Variants in AGFG2 observed in about 807,000 individuals in gnomAD.
AGFG2 encodes the protein arf-GAP domain and FG repeat-containing protein 2.
Under a neutral mutation model 48.0 loss-of-function variants are expected in AGFG2, and 31 were observed. The ratio of observed to expected loss-of-function variants is 0.65; its 90% confidence interval spans 0.49 to 0.87. AGFG2 has a LOEUF of 0.87. Ranked by LOEUF, AGFG2 falls within the 40% of genes least tolerant of loss-of-function variation. The pLI, the probability that AGFG2 is intolerant of heterozygous loss-of-function variation, is 0.00. For synonymous variants in AGFG2, 229 were observed against 260.8 expected (o/e 0.88, Z 1.18); for missense variants, 599 against 632.6 (o/e 0.95, Z 0.57).
At position 100,554,094 on chromosome 7, in the gene AGFG2, C is replaced by G. The variant is rs746581473; in HGVS notation, c.587C>G (p.Pro196Arg). 2 of 1,612,396 alleles carry G rather than the reference C, an allele frequency of 1.2e-6. No homozygotes were observed. Among genetic ancestry groups the G allele is most frequent in the African/African-American group, 2.7e-5 (2 of 74,882 alleles). Residue 196 changes from proline (P) to arginine (R), a missense_variant and splice_region_variant, in exon 5 of 12, where the codon CCC becomes CGC. Pro to Arg is a moderately radical substitution (Grantham distance 103, BLOSUM62 -2). Coordinates refer to ENST00000300176, the MANE Select transcript of AGFG2 (RefSeq NM_006076.5). ...LSVAASTSSQ[P>R]VSQSHARTSQ... Reference sequence around the variant, plus strand: ...TGTATGCATTCCTTCTCCTCCAAGCCCGTCAGTCAGTCTCACGCTCGGACA... The same window carrying G: ...TGTATGCATTCCTTCTCCTCCAAGCGCGTCAGTCAGTCTCACGCTCGGACA...
intron 1 of AGFG2, among the ~76,000 whole-genome samples, chr7:100,540,174 G>A (rs1249964628): frequency 6.6e-6 from 1 of 151,918 alleles, no homozygotes; most frequent in Non-Finnish European, 1.5e-5. Flanking sequence ...GATAGTGGCT[G>A]GAAGGGAGCC....
chr7:100,550,190 T>C (rs1293670373), intron 2 of AGFG2, among the ~76,000 whole-genome samples: 1 of 151,252 alleles, frequency 6.6e-6, no homozygotes, highest in East Asian at 1.9e-4. Context: ...GCCTATAGTC[T>C]CAGCTACTTG....
chr7:100,563,200 C>A (rs1365846439), intron 9 of AGFG2, among the ~76,000 whole-genome samples: 1 of 152,216 alleles, frequency 6.6e-6, no homozygotes, highest in Non-Finnish European at 1.5e-5. Flanking sequence ...ACAGTGGCAG[C>A]GATTCTCCTG....
chr7:100,546,460 G>A (rs551863324), intron 1 of AGFG2, among the ~76,000 whole-genome samples: 26 of 152,180 alleles, frequency 1.7e-4, no homozygotes, highest in African/African-American at 6.0e-4. Context: ...CTGGAGTCAC[G>A]TTCTCCCTGA....
chr7:100,546,695 T>C (rs1274999727), intron 1 of AGFG2, among the ~76,000 whole-genome samples: 1 of 152,200 alleles, frequency 6.6e-6, no homozygotes, highest in Non-Finnish European at 1.5e-5. Flanking sequence ...GAGGTCTGGC[T>C]AGACTTCAGA....
intron 6 of AGFG2, among the ~76,000 whole-genome samples, chr7:100,561,222 G>A (rs1385262277): frequency 6.6e-6 from 1 of 150,958 alleles, no homozygotes; most frequent in African/African-American, 2.4e-5. Context: ...CACTTCCCGG[G>A]TTCAAGTGAT....
chr7:100,552,204 C>T (rs1226160562), intron 3 of AGFG2, among the ~76,000 whole-genome samples: 2 of 151,864 alleles, frequency 1.3e-5, no homozygotes, highest in African/African-American at 4.8e-5. Context: ...GAGATCGTGC[C>T]ACTGTACTCT....
rs768363757 is a variant in AGFG2 at position 100,562,315 on chromosome 7, A to C, written c.934A>C (p.Asn312His). ...TCCCCTGGCACCCGCCAGTCAGCCAAACAGCCTCGCAGACGTGGGCAGCTT... is the reference window on the plus strand; with the variant it reads ...TCCCCTGGCACCCGCCAGTCAGCCACACAGCCTCGCAGACGTGGGCAGCTT... ...ATPLAPASQPNSLADVGSFLG... is the reference protein window; with the variant it reads ...ATPLAPASQPHSLADVGSFLG... Residue 312 changes from asparagine (N) to histidine (H), a missense_variant, in exon 7 of 12, where the codon AAC (asparagine) becomes CAC (histidine). Coordinates refer to ENST00000300176, the MANE Select transcript of AGFG2 (RefSeq NM_006076.5). This position sits in a 1 kb window ranked among gnomAD's most constrained non-coding sequence, Gnocchi z 5.4. The C allele has an allele frequency of 1.2e-6, 2 of 1,614,012 alleles. No individual in the cohort carries two copies. Among genetic ancestry groups the C allele is most frequent in the Admixed American group, 3.3e-5 (2 of 60,018 alleles).
chr7:100,550,292 C>CGA (rs1240912986), intron 2 of AGFG2, 104 bp from the exon 3 acceptor site: 1 of 771,484 alleles, frequency 1.3e-6, no homozygotes, highest in East Asian at 2.8e-5. Context: ...GGCGACAGAG[C>CGA]GAGACTCCGT....
chr7:100,564,033 C>T (rs1399714633), intron 10 of AGFG2, 71 bp downstream of exon 10: 2 of 1,583,858 alleles, frequency 1.3e-6, no homozygotes, highest in African/African-American at 2.7e-5. Flanking sequence ...AGTTGTTCCT[C>T]CGACCTCATC....
At chr7:100,544,280 T>C (rs1038465077) in intron 1 of AGFG2, among the ~76,000 whole-genome samples, 8 of 152,196 alleles carry the variant, frequency 5.3e-5, no homozygotes, top group African/African-American at 1.7e-4. Context: ...TTATCTCTTC[T>C]ATTTCTGCCC....
chr7:100,548,383 G>A (rs1272038625), intron 1 of AGFG2, among the ~76,000 whole-genome samples: 2 of 152,044 alleles, frequency 1.3e-5, no homozygotes, highest in African/African-American at 4.8e-5. Flanking sequence ...GGTGATTTTG[G>A]CTCACTGTAG....
chr7:100,555,263 G>GTTTTTTTTTTTT (rs1166680394), intron 5 of AGFG2, among the ~76,000 whole-genome samples: 1 of 75,148 alleles, frequency 1.3e-5, no homozygotes, highest in African/African-American at 6.1e-5. Context: ...TGTGTGTGTG[G>GTTTTTTTTTTTT]TTTTTTTTTT....
At chr7:100,545,957 T>G (rs555462586) in intron 1 of AGFG2, among the ~76,000 whole-genome samples, 23 of 152,308 alleles carry the variant, frequency 1.5e-4, no homozygotes, top group African/African-American at 5.5e-4. Flanking sequence ...CTTCCTAGGC[T>G]GCAGTGTTGC....
chr7:100,565,004 G>C lies in AGFG2; in HGVS notation c.*13G>C. On this transcript the variant is annotated 3_prime_UTR_variant, in exon 12 of 12. Transcript: ENST00000300176. Reference sequence around the variant, plus strand: ...CCCCTTCTTGTAGCACTGTGTTTTTGGGGGGCCTCTTCCCTGCCTTCTGGG... The same window carrying C: ...CCCCTTCTTGTAGCACTGTGTTTTTCGGGGGCCTCTTCCCTGCCTTCTGGG... 2 of 1,613,940 alleles carry C rather than the reference G, an allele frequency of 1.2e-6. No individual in the cohort carries two copies. The highest frequency in any genetic ancestry group is 1.7e-6 in the Non-Finnish European group (2 of 1,179,830).
intron 1 of AGFG2, among the ~76,000 whole-genome samples, chr7:100,540,391 T>C (rs536263438): frequency 6.6e-6 from 1 of 152,282 alleles, no homozygotes; most frequent in Admixed American, 6.5e-5. Flanking sequence ...CATGACTGGA[T>C]CCTGGTGGTA....
At chr7:100,549,057 T>C in intron 2 of AGFG2, 142 bp downstream of exon 2, 4 of 666,724 alleles carry the variant, frequency 6.0e-6, no homozygotes, top group Non-Finnish European at 1.0e-5. Context: ...TTTCCTTAGG[T>C]ATATTTACAG....
rs1800937483 is a variant in AGFG2 at position 100,563,913 on chromosome 7, C to T, written c.1251C>T (p.Phe417=). ...CCACTGGGGCCTTTGCCAGCTCCTTCCCAGCACCGCTGTTCCCCCCGCAGA... is the reference window on the plus strand; with the variant it reads ...CCACTGGGGCCTTTGCCAGCTCCTTTCCAGCACCGCTGTTCCCCCCGCAGA... ...VPPTGAFASS[F]PAPLFPPQTP... The change falls in exon 10 of 12, where the codon TTC becomes TTT. Residue 417 remains phenylalanine (F), a synonymous_variant. Coordinates refer to ENST00000300176, the MANE Select transcript of AGFG2 (RefSeq NM_006076.5). 1 of 1,609,640 alleles carries T rather than the reference C, an allele frequency of 6.2e-7. No homozygotes were observed. The highest frequency in any genetic ancestry group is 8.5e-7 in the Non-Finnish European group (1 of 1,180,006).
intron 6 of AGFG2, among the ~76,000 whole-genome samples, chr7:100,559,836 G>A (rs1216106189): frequency 4.8e-5 from 7 of 146,660 alleles, no homozygotes; most frequent in Middle Eastern, 3.6e-3. Context: ...AAAAAAAAAA[G>A]TGCATGAAAT....
Sources: gnomAD v4.1 joint callset for allele counts (sites outside exome capture counted in the v4.1 genomes callset) on GRCh38, gnomAD v4.1.1 for gene constraint, Gnocchi (gnomAD v3.1) non-coding constraint, MANE v1.5 for transcripts, NCBI Gene and HGNC (gene_info 2026-07-23, HGNC 2026-07-21) for gene names.